Variants in VWF observed in about 807,000 individuals in gnomAD.
VWF encodes the protein Factor VIII related antigen.
Under a neutral mutation model 308.6 loss-of-function variants are expected in VWF, and 176 were observed. That is an observed-to-expected ratio of 0.57 (90% CI 0.50 to 0.65). The LOEUF is 0.65. VWF is among the 30% of genes least tolerant of loss of function. VWF has a pLI of 0.00. For synonymous variants in VWF, 1,385 were observed against 1,443.4 expected (o/e 0.96, Z 0.92); for missense variants, 3,146 against 3,648.2 (o/e 0.86, Z 3.55).
chr12:6,045,272 C>T lies in VWF; in HGVS notation c.2282-821G>A, dbSNP rs1033213834. 3.9e-5 allele frequency among the ~76,000 whole-genome samples: 6 copies of T among 152,220 alleles called. No individual in the cohort carries two copies. The South Asian group carries it at 1.0e-3, about 26-fold the overall frequency. ...CTTAATAGCATTTGTATCACATACTCGCTCCTCTGGGCAAAACAGTCAAAA... is the reference window on the plus strand; with the variant it reads ...CTTAATAGCATTTGTATCACATACTTGCTCCTCTGGGCAAAACAGTCAAAA... On this transcript the variant is annotated intron_variant, in intron 17 of 51. Coordinates refer to ENST00000261405, the MANE Select transcript of VWF (RefSeq NM_000552.5).
intron 43 of VWF, 67 bp downstream of exon 43, chr12:5,976,044 C>T (rs992381958): frequency 2.0e-5 from 32 of 1,608,712 alleles, no homozygotes; most frequent in Non-Finnish European, 2.5e-5. Flanking sequence ...CTTACCCTTC[C>T]TAAGATGCCC....
chr12:6,010,312 A>G (rs1278485623), intron 34 of VWF, among the ~76,000 whole-genome samples: 1 of 152,202 alleles, frequency 6.6e-6, no homozygotes, highest in Non-Finnish European at 1.5e-5. Context: ...TTGCAAAAAA[A>G]ATAAATAAAA....
intron 34 of VWF, among the ~76,000 whole-genome samples, chr12:5,999,598 C>G (rs1316424174): frequency 2.6e-5 from 4 of 151,800 alleles, no homozygotes; most frequent in East Asian, 3.9e-4. Context: ...ACAGATTAAG[C>G]AAGTCCATAA....
chr12:6,037,176 G>A (rs1410878187), intron 18 of VWF, among the ~76,000 whole-genome samples: 3 of 152,194 alleles, frequency 2.0e-5, no homozygotes, highest in African/African-American at 4.8e-5. Flanking sequence ...TCCAGGTGGT[G>A]AGCTGGGATA....
At position 5,991,716 on chromosome 12, in the gene VWF, C is replaced by G. The variant is rs150659199; in HGVS notation, c.6798+103G>C. On this transcript the variant is annotated intron_variant, in intron 38 of 51. Transcript: ENST00000261405. ...CCCTAATGATCCCCGTAAGAGTCAACCCTGCTGCCACAGTTGGAAGAGGCC... is the reference window on the plus strand; with the variant it reads ...CCCTAATGATCCCCGTAAGAGTCAAGCCTGCTGCCACAGTTGGAAGAGGCC... 251 of 1,298,732 alleles carry G rather than the reference C, an allele frequency of 1.9e-4. 1 individual carries two copies. In the African/African-American group the frequency reaches 3.0e-3, roughly 15 times the overall value. The allele number at this position is 1,298,732 out of a possible 1,614,324, so 80.5% of individuals were successfully genotyped here. A position where few individuals can be genotyped will look rare whatever the true frequency, so the allele number is the denominator to read the frequency against.
At position 5,968,303 on chromosome 12, in the gene VWF, C is replaced by T. The variant is rs1186138426; in HGVS notation, c.7730-136G>A. 6 of 1,077,202 alleles carry T rather than the reference C, an allele frequency of 5.6e-6. No homozygotes were observed. In the East Asian group the frequency reaches 1.6e-4, roughly 28 times the overall value. The allele number at this position is 1,077,202 out of a possible 1,614,324, so 66.7% of individuals were successfully genotyped here. A position where few individuals can be genotyped will look rare whatever the true frequency, so the allele number is the denominator to read the frequency against. On this transcript the variant is annotated intron_variant, in intron 45 of 51. Coordinates refer to ENST00000261405, the MANE Select transcript of VWF (RefSeq NM_000552.5). ...TATCGGTCGGCCCTTTCCCCCCACC[C>T]CACAACCCAGCGCTGGGGGTCCTAC...
In VWF at chr12:5,985,554, G is replaced by A; in HGVS notation, c.6901+9C>T. 6.2e-7 allele frequency: 1 copy of A among 1,612,976 alleles called. No homozygotes were observed. The highest frequency in any genetic ancestry group is 1.7e-5 in the Admixed American group (1 of 60,014). ...TCCATGAAGGCACCAGGGAGGGGAG[G>A]ACTCTCACCTTTGGCCGTGGGGCAG... On this transcript the variant is annotated intron_variant, in intron 39 of 51. Transcript: ENST00000261405.
In VWF at chr12:6,031,430, G is replaced by A; in HGVS notation, c.2820+14C>T. On this transcript the variant is annotated intron_variant, in intron 21 of 51. Transcript: ENST00000261405. ...CAAAGCGGGACATGAGGGTGGAGAT[G>A]AGGCTGCACTTACCTCCCCGTCAAA... 6.2e-7 allele frequency: 1 copy of A among 1,614,150 alleles called. No individual in the cohort carries two copies.
At chr12:6,003,961 G>A (rs1251754876) in intron 34 of VWF, among the ~76,000 whole-genome samples, 2 of 151,890 alleles carry the variant, frequency 1.3e-5, no homozygotes, top group Non-Finnish European at 2.9e-5. Context: ...AACTACAGGC[G>A]CCCGCCACCA....
Position 5,993,935 on chromosome 12 carries a change from C to T in VWF, c.6525G>A (p.Glu2175=). 6.2e-7 allele frequency: 1 copy of T among 1,614,066 alleles called. No individual in the cohort carries two copies. Among genetic ancestry groups the T allele is most frequent in the Non-Finnish European group, 8.5e-7 (1 of 1,180,024 alleles). ...AGAGGTGGGCATAAGAGGCGATCAC[C>T]TCACACACTTGCTCCTGGTGGCAAC... ...QDSCHQEQVC[E]VIASYAHLCR... is the part of the protein sequence containing the mutation. Residue 2175 remains glutamate, a synonymous_variant, in exon 37 of 52, where the codon GAG becomes GAA. Coordinates refer to ENST00000261405, the MANE Select transcript of VWF (RefSeq NM_000552.5).
intron 34 of VWF, among the ~76,000 whole-genome samples, chr12:6,005,453 C>T (rs969290191): frequency 6.6e-6 from 1 of 151,980 alleles, no homozygotes; most frequent in Non-Finnish European, 1.5e-5. Flanking sequence ...AAGATTAAAA[C>T]CCAATGGAAA....
intron 47 of VWF, among the ~76,000 whole-genome samples, chr12:5,960,887 G>C (rs1943306175): frequency 6.6e-6 from 1 of 152,212 alleles, no homozygotes; most frequent in African/African-American, 2.4e-5. Context: ...GGCCTGTTAG[G>C]AACTGGGCTG....
chr12:6,120,272 G>A (rs1372660613), intron 3 of VWF, among the ~76,000 whole-genome samples: 1 of 152,058 alleles, frequency 6.6e-6, no homozygotes, highest in Non-Finnish European at 1.5e-5. Flanking sequence ...ATTAAGCCTT[G>A]GCCTTGGGCT....
rs1025600246 is a variant in VWF at position 6,075,822 on chromosome 12, C to G, written c.658-271G>C. 6.6e-5 allele frequency among the ~76,000 whole-genome samples: 10 copies of G among 152,196 alleles called. No individual in the cohort carries two copies. The highest frequency in any genetic ancestry group is 2.4e-4 in the African/African-American group (10 of 41,448). ...CAAGGCCCTGGATTGCCATGGTGGG[C>G]AGTGTCCTAGGAACGGACAGAGGAT... On this transcript the variant is annotated intron_variant, in intron 6 of 51. Coordinates refer to ENST00000261405, the MANE Select transcript of VWF (RefSeq NM_000552.5). This position sits in a 1 kb window ranked among gnomAD's most constrained non-coding sequence, Gnocchi z 4.7.
chr12:6,099,185 G>A (rs1945135471), intron 5 of VWF, among the ~76,000 whole-genome samples: 1 of 151,452 alleles, frequency 6.6e-6, no homozygotes, highest in South Asian at 2.1e-4. Context: ...CCAGGCGTGG[G>A]GGTGGATGCC....
chr12:6,057,310 A>T (rs1290928227), intron 14 of VWF, among the ~76,000 whole-genome samples: 1 of 123,864 alleles, frequency 8.1e-6, no homozygotes, highest in Non-Finnish European at 1.6e-5. Context: ...GGGACTATGG[A>T]ATTTTTTTTT....
In VWF at chr12:6,071,581, GA is replaced by G. The variant is rs900876816; in HGVS notation, c.1110-239del. Among the ~76,000 whole-genome samples, 77 of 150,964 alleles carry G rather than the reference GA, an allele frequency of 5.1e-4. 1 individual carries two copies. Among genetic ancestry groups the G allele is most frequent in the Non-Finnish European group, 6.5e-4 (44 of 67,660 alleles). On this transcript the variant is annotated intron_variant, in intron 9 of 51. Coordinates refer to ENST00000261405, the MANE Select transcript of VWF (RefSeq NM_000552.5). ...AACCCCAACAGAGAAAAAGAAGAAAGAAAAAAAAACTACCTGATCCCCCTGA... is the reference window on the plus strand; with the variant it reads ...AACCCCAACAGAGAAAAAGAAGAAAGAAAAAAAACTACCTGATCCCCCTGA...
chr12:5,960,462 C>G (rs1056360596), intron 47 of VWF, among the ~76,000 whole-genome samples: 21 of 152,150 alleles, frequency 1.4e-4, no homozygotes, highest in African/African-American at 5.1e-4. Flanking sequence ...TATATAAGCT[C>G]TTTAGAAAAC....
chr12:5,956,168 C>T (rs955967426), intron 47 of VWF, among the ~76,000 whole-genome samples: 8 of 152,192 alleles, frequency 5.3e-5, no homozygotes, highest in Admixed American at 3.9e-4. Context: ...GTAAACAAAC[C>T]TACTGTGCTG....
Sources: allele counts gnomAD v4.1 joint callset (sites outside exome capture counted in the v4.1 genomes callset), GRCh38; gene constraint gnomAD v4.1.1; non-coding constraint Gnocchi (gnomAD v3.1); transcripts MANE v1.5; gene names NCBI Gene and HGNC (gene_info 2026-07-23, HGNC 2026-07-21).